The following LANCL1 variants were observed in gnomAD, a reference collection of about 807,000 sequenced individuals.
LANCL1 encodes the protein glutathione S-transferase LANCL1.
In LANCL1, 50 loss-of-function variants were observed where a neutral mutation model predicts 50.6. That is an observed-to-expected ratio of 0.99 (90% CI 0.79 to 1.25). LANCL1 has a LOEUF of 1.25. Ranked by LOEUF, LANCL1 falls within the 50% of genes most tolerant of loss-of-function variation. The pLI is 0.00. For missense variants in LANCL1, 532 were observed against 480.7 expected (o/e 1.11, Z -1.00); for synonymous variants, 188 against 178.6 (o/e 1.05, Z -0.42).
At position 210,455,317 on chromosome 2, in the gene LANCL1, G is replaced by GAAAA. The variant is rs59908560; in HGVS notation, c.200-7_200-4dup. ...ATGTAAGTAAAGCACAGCAATACCTGAAAAAAAAAAAAGGAAACAATGTAA... is the reference window on the plus strand; with the variant it reads ...ATGTAAGTAAAGCACAGCAATACCTGAAAAAAAAAAAAAAAAGGAAACAATGTAA... On this transcript the variant is annotated splice_region_variant and splice_polypyrimidine_tract_variant and intron_variant, in intron 3 of 9. Coordinates refer to ENST00000450366, the MANE Select transcript of LANCL1 (RefSeq NM_006055.3). 21,784 of 1,403,982 alleles carry GAAAA rather than the reference G, an allele frequency of 0.016. 5 individuals carry two copies. Among genetic ancestry groups the GAAAA allele is most frequent in the Middle Eastern group, 0.019 (83 of 4,414 alleles). The allele number at this position is 1,403,982 out of a possible 1,614,324, so 87.0% of individuals were successfully genotyped here.
At chr2:210,466,758 G>T (rs944100571) in intron 3 of LANCL1, among the ~76,000 whole-genome samples, 1 of 152,186 alleles carries the variant, frequency 6.6e-6, no homozygotes, top group African/African-American at 2.4e-5. Context: ...GAACAAACCA[G>T]ATAGAGAGAA....
chr2:210,442,206 T>C (rs1355262285), intron 4 of LANCL1, among the ~76,000 whole-genome samples: 2 of 152,084 alleles, frequency 1.3e-5, no homozygotes, highest in Non-Finnish European at 2.9e-5. Context: ...AACTGGCCAA[T>C]ACATGCAAAT....
chr2:210,471,836 C>A (rs933396157), intron 3 of LANCL1, 123 bp downstream of exon 3: 4 of 776,876 alleles, frequency 5.1e-6, no homozygotes, highest in Middle Eastern at 6.0e-4. Context: ...CTCCCAGAAG[C>A]AATTACTCAT....
intron 3 of LANCL1, among the ~76,000 whole-genome samples, chr2:210,466,474 A>C (rs1694063833): frequency 6.6e-6 from 1 of 152,194 alleles, no homozygotes. Flanking sequence ...AGAACAAAGG[A>C]ACCTTGGTGC....
At chr2:210,444,698 T>C (rs1693256028) in intron 4 of LANCL1, among the ~76,000 whole-genome samples, 1 of 152,184 alleles carries the variant, frequency 6.6e-6, no homozygotes, top group Non-Finnish European at 1.5e-5. Flanking sequence ...GGAAGAGATA[T>C]ACTGAGAAAT....
chr2:210,454,819 G>T (rs1042092324), intron 4 of LANCL1, among the ~76,000 whole-genome samples: 1 of 152,142 alleles, frequency 6.6e-6, no homozygotes, highest in Non-Finnish European at 1.5e-5. Context: ...ACAGATCTTG[G>T]ATAGCACTTT....
At position 210,433,635 on chromosome 2, in the gene LANCL1, A is replaced by G. The variant is rs1692821531; in HGVS notation, c.*852T>C. 1 of 152,226 alleles carries G rather than the reference A, an allele frequency of 6.6e-6. No homozygotes were observed. The highest frequency in any genetic ancestry group is 2.1e-4 in the South Asian group (1 of 4,828). The allele number at this position is 152,226 out of a possible 1,614,324, so 9.4% of individuals were successfully genotyped here. On this transcript the variant is annotated 3_prime_UTR_variant, in exon 10 of 10. Coordinates refer to ENST00000450366, the MANE Select transcript of LANCL1 (RefSeq NM_006055.3). ...AGAGTGGACTGAAATCCTAGGTTAA[A>G]GCATATTCATACATAGAAAATTGGC...
chr2:210,436,737 T>C lies in LANCL1; in HGVS notation c.874-345A>G, dbSNP rs562899328. On this transcript the variant is annotated intron_variant, in intron 7 of 9. Coordinates refer to ENST00000450366, the MANE Select transcript of LANCL1 (RefSeq NM_006055.3). ...CATGCTATCTTCTTTGTAACTCTGA[T>C]GCCCTCTTCACTATTAGGAAGTTTC... Among the ~76,000 whole-genome samples, 142 of 152,328 alleles carry C rather than the reference T, an allele frequency of 9.3e-4. 1 individual carries two copies. The highest frequency in any genetic ancestry group is 1.7e-3 in the South Asian group (8 of 4,826).
At chr2:210,469,386 A>G (rs1048886192) in intron 3 of LANCL1, 6 of 152,174 alleles carry the variant, frequency 3.9e-5, no homozygotes, top group Non-Finnish European at 7.3e-5. Context: ...GCAAGGTAGC[A>G]TTTTACTTAT....
At chr2:210,441,952 T>G (rs909432429) in intron 4 of LANCL1, among the ~76,000 whole-genome samples, 1 of 151,892 alleles carries the variant, frequency 6.6e-6, no homozygotes, top group Admixed American at 6.6e-5. Flanking sequence ...TTGCCCAGGC[T>G]GGAGTGCAAT....
chr2:210,454,735 T>G (rs1390010583), intron 4 of LANCL1, among the ~76,000 whole-genome samples: 1 of 152,212 alleles, frequency 6.6e-6, no homozygotes, highest in Non-Finnish European at 1.5e-5. Context: ...AAAGGCCGTT[T>G]TGAATCAGTC....
chr2:210,434,591 ATT>A, intron 9 of LANCL1, 28 bp from the exon 10 acceptor site: 1 of 1,542,050 alleles, frequency 6.5e-7, no homozygotes, highest in Non-Finnish European at 9.0e-7. Context: ...GGCAAAAGTT[ATT>A]ATACCAAATG....
At chr2:210,475,309 A>G (rs1694324664) in intron 2 of LANCL1, among the ~76,000 whole-genome samples, 1 of 152,120 alleles carries the variant, frequency 6.6e-6, no homozygotes, top group Non-Finnish European at 1.5e-5. Context: ...CTTGTTTCCA[A>G]CTTAACTCAT....
intron 2 of LANCL1, among the ~76,000 whole-genome samples, chr2:210,473,323 C>T (rs770538594): frequency 1.3e-5 from 2 of 152,114 alleles, no homozygotes; most frequent in Admixed American, 1.3e-4. Flanking sequence ...TGTGGTGAGC[C>T]GAGATCGTGC....
At position 210,440,666 on chromosome 2, in the gene LANCL1, C is replaced by CAT; in HGVS notation, c.620_621dup (p.Glu208MetfsTer9). 2 of 1,613,978 alleles carry CAT rather than the reference C, an allele frequency of 1.2e-6. No homozygotes were observed. The highest frequency in any genetic ancestry group is 8.5e-7 in the Non-Finnish European group (1 of 1,179,914). ...CCTACATAATATTCCTGGTACCATT[C>CAT]ATACATCAGTGGAGACTTTGCCGTG... On this transcript the variant is annotated frameshift_variant, in exon 6 of 10. Coordinates refer to ENST00000450366, the MANE Select transcript of LANCL1 (RefSeq NM_006055.3). LOFTEE classifies it high-confidence loss of function.
At position 210,439,717 on chromosome 2, in the gene LANCL1, A is replaced by G. The variant is rs374165017; in HGVS notation, c.690+881T>C. 3.2e-4 allele frequency among the ~76,000 whole-genome samples: 49 copies of G among 152,214 alleles called. No homozygotes were observed. In the East Asian group the frequency reaches 8.5e-3, roughly 26 times the overall value. On this transcript the variant is annotated intron_variant, in intron 6 of 9. Transcript: ENST00000450366. ...TTTTTCAGTTCTGTTGTCCTTGTTT[A>G]TTTATAGGTAGAGGGCAGGTCCAAC...
At chr2:210,437,531 A>G (rs1449126212) in intron 7 of LANCL1, among the ~76,000 whole-genome samples, 159 bp downstream of exon 7, 1 of 152,232 alleles carries the variant, frequency 6.6e-6, no homozygotes, top group Non-Finnish European at 1.5e-5. Context: ...GCTATGGTAC[A>G]GATAGATGGT....
At position 210,432,534 on chromosome 2, in the gene LANCL1, C is replaced by G. The variant is rs1010859706; in HGVS notation, c.*1953G>C. The stretch of plus-strand genomic sequence containing the variant: ...AATGTTCTTCTCCCTGCCTTGAAAT[C>G]TTCCTGGGGTTAAGCATTGCTATCA... On this transcript the variant is annotated 3_prime_UTR_variant, in exon 10 of 10. Coordinates refer to ENST00000450366, the MANE Select transcript of LANCL1 (RefSeq NM_006055.3). 1.3e-5 allele frequency: 2 copies of G among 152,196 alleles called. No individual in the cohort carries two copies. Among genetic ancestry groups the G allele is most frequent in the African/African-American group, 4.8e-5 (2 of 41,446 alleles). The allele number at this position is 152,196 out of a possible 1,614,324, so 9.4% of individuals were successfully genotyped here.
At position 210,436,249 on chromosome 2, in the gene LANCL1, TG is replaced by T. The variant is rs1413767178; in HGVS notation, c.1016del (p.Thr339AsnfsTer4). Reference sequence around the variant, plus strand: ...CCCTATACAGGTACTTCATGTCCTGTGTGAGGTTGTAGAGTGTCAGGAAGGC... The same window carrying T: ...CCCTATACAGGTACTTCATGTCCTGTTGAGGTTGTAGAGTGTCAGGAAGGC... ...AYAFLTLYNL[T>X]QDMKYLYRAC... On this transcript the variant is annotated frameshift_variant, in exon 8 of 10. Coordinates refer to ENST00000450366, the MANE Select transcript of LANCL1 (RefSeq NM_006055.3). LOFTEE classifies it high-confidence loss of function. 6.2e-7 allele frequency: 1 copy of T among 1,613,942 alleles called. No homozygotes were observed. Among genetic ancestry groups the T allele is most frequent in the Non-Finnish European group, 8.5e-7 (1 of 1,179,958 alleles).
Sources: allele counts gnomAD v4.1 joint callset (sites outside exome capture counted in the v4.1 genomes callset), GRCh38; gene constraint gnomAD v4.1.1; transcripts MANE v1.5; gene names NCBI Gene and HGNC (gene_info 2026-07-23, HGNC 2026-07-21).